NLRP1: variants seen among roughly 807,000 people sequenced by gnomAD.
NLRP1 encodes the protein NLR family pyrin domain containing 1, also known as NACHT, LRR and PYD domains-containing protein 1.
A neutral mutation model predicts 136.7 loss-of-function variants in NLRP1; 94 were observed. That is an observed-to-expected ratio of 0.69 (90% CI 0.58 to 0.82). The LOEUF is 0.82. Among genes scored for constraint, NLRP1 ranks in the 40% least tolerant of loss-of-function variants. The pLI, the probability that NLRP1 is intolerant of heterozygous loss-of-function variation, is 0.00. For synonymous variants in NLRP1, 690 were observed against 725.1 expected, an observed-to-expected ratio of 0.95 and a Z score of 0.78; for missense variants, 1,575 against 1,802.7, an observed-to-expected ratio of 0.87 and a Z score of 2.29.
rs1400595430 is a variant in NLRP1 at position 5,521,797 on chromosome 17, A to T, written c.3521-11T>A. ...TGTCCACATGGCCCCCTGTAAAAGA[A>T]TGGATTGAAGAGGCACAGGTTTATT... On this transcript the variant is annotated splice_polypyrimidine_tract_variant and intron_variant, in intron 12 of 16. Coordinates refer to ENST00000572272, the MANE Select transcript of NLRP1 (RefSeq NM_033004.4). 6.3e-7 allele frequency: 1 copy of T among 1,581,828 alleles called. No homozygotes were observed. Among genetic ancestry groups the T allele is most frequent in the East Asian group, 2.2e-5 (1 of 44,528 alleles).
chr17:5,514,581 T>C lies in NLRP1; in HGVS notation c.*173A>G, dbSNP rs1255837886. 1.7e-5 allele frequency: 25 copies of C among 1,442,500 alleles called. No individual in the cohort carries two copies. Among genetic ancestry groups the C allele is most frequent in the South Asian group, 6.0e-5 (4 of 66,918 alleles). The allele number at this position is 1,442,500 out of a possible 1,614,324, so 89.4% of individuals were successfully genotyped here. A position where few individuals can be genotyped will look rare whatever the true frequency, so the allele number is the denominator to read the frequency against. ...TTAGGCCACCTGGACTGGGGCCCCC[T>C]GTGGCATCCCTGGCATGGACACATA... On this transcript the variant is annotated 3_prime_UTR_variant, in exon 17 of 17. Transcript: ENST00000572272.
At chr17:5,534,943 C>T (rs1346350566) in intron 8 of NLRP1, among the ~76,000 whole-genome samples, 3 of 152,192 alleles carry the variant, frequency 2.0e-5, no homozygotes, top group South Asian at 4.1e-4. Flanking sequence ...CAGATTCAGC[C>T]GGGCGCGGTG....
At chr17:5,513,929 G>A (rs115655035), downstream of NLRP1, among the ~76,000 whole-genome samples, 92 of 152,266 alleles carry the variant, frequency 6.0e-4, no homozygotes, top group African/African-American at 2.0e-3. Flanking sequence ...CGCCATGACA[G>A]TTTACGAACG....
intron 4 of NLRP1, among the ~76,000 whole-genome samples, chr17:5,558,098 C>T (rs536104002): frequency 1.4e-4 from 21 of 152,220 alleles, no homozygotes; most frequent in Non-Finnish European, 2.9e-4. Flanking sequence ...GTGGCAGACA[C>T]GGCAGGGCCC....
At chr17:5,511,674 G>A (rs927504228), downstream of NLRP1, among the ~76,000 whole-genome samples, 42 of 152,182 alleles carry the variant, frequency 2.8e-4, no homozygotes, top group Non-Finnish European at 5.4e-4. Flanking sequence ...CGGGGCATGC[G>A]GGGGTTGCGG....
intron 4 of NLRP1, among the ~76,000 whole-genome samples, chr17:5,553,855 CTT>C (rs71856538): frequency 5.5e-5 from 8 of 144,458 alleles, no homozygotes; most frequent in East Asian, 2.0e-4. Flanking sequence ...AGACATTTGT[CTT>C]TTTTTTTTTT....
chr17:5,573,722 C>T (rs1597480515), intron 3 of NLRP1, among the ~76,000 whole-genome samples: 1 of 152,192 alleles, frequency 6.6e-6, no homozygotes, highest in African/African-American at 2.4e-5. Flanking sequence ...GAGTGGACCT[C>T]CAGCAAACTC....
At chr17:5,542,841 T>C (rs1283728011) in intron 5 of NLRP1, among the ~76,000 whole-genome samples, 2 of 146,722 alleles carry the variant, frequency 1.4e-5, no homozygotes, top group Non-Finnish European at 3.0e-5. Flanking sequence ...CCCTTCCTTC[T>C]TTCTGTGAGA....
At chr17:5,510,483 C>T (rs192696078), downstream of NLRP1, among the ~76,000 whole-genome samples, 59 of 152,160 alleles carry the variant, frequency 3.9e-4, no homozygotes, top group Non-Finnish European at 4.3e-4. Flanking sequence ...CCTCAGCCTC[C>T]CGAGTAGCTG....
chr17:5,530,218 T>C (rs1195896371), intron 12 of NLRP1, among the ~76,000 whole-genome samples: 2 of 152,206 alleles, frequency 1.3e-5, no homozygotes, highest in East Asian at 3.8e-4. Flanking sequence ...GGACCTTGAG[T>C]GATACAGTCT....
Position 5,541,878 on chromosome 17 carries a change from C to G in NLRP1, c.2678G>C (p.Ser893Thr). ...KHLCQRLRQP[S>T]CKLQRLQLVS... Reference sequence around the variant, plus strand: ...TTACTGCAGTCGCTGTAGCTTGCAGCTCGGCTGTCTCAGTCTCTGGCAAAG... The same window carrying G: ...TTACTGCAGTCGCTGTAGCTTGCAGGTCGGCTGTCTCAGTCTCTGGCAAAG... The change falls in exon 6 of 17, where the codon AGC becomes ACC. Residue 893 changes from serine to threonine, a missense_variant. Ser to Thr is a moderately conservative substitution (Grantham distance 58). Transcript: ENST00000572272. The surrounding 1 kb of genome is among the most constrained non-coding windows in gnomAD (Gnocchi z 4.2). 4 of 1,614,050 alleles carry G rather than the reference C, an allele frequency of 2.5e-6. No individual in the cohort carries two copies. Among genetic ancestry groups the G allele is most frequent in the Middle Eastern group, 1.6e-4 (1 of 6,062 alleles).
intron 7 of NLRP1, among the ~76,000 whole-genome samples, chr17:5,538,202 A>G (rs1911346421): frequency 6.6e-6 from 1 of 152,054 alleles, no homozygotes; most frequent in Non-Finnish European, 1.5e-5. Context: ...GTCAAGACAG[A>G]AGCCACTCAT....
Position 5,517,707 on chromosome 17 carries a change from C to T in NLRP1, c.4057+39G>A, listed in dbSNP as rs561199091. On this transcript the variant is annotated intron_variant, in intron 15 of 16. Coordinates refer to ENST00000572272, the MANE Select transcript of NLRP1 (RefSeq NM_033004.4). ...AGCTCCTTCATTGATTTTCTTTCTC[C>T]TCCCACCTCTGAGTTCTCTGGAATT... is the stretch of plus-strand genomic sequence containing the variant. 2.0e-5 allele frequency: 32 copies of T among 1,611,266 alleles called. No individual in the cohort carries two copies. The South Asian group carries it at 3.1e-4, about 16-fold the overall frequency.
At chr17:5,539,979 G>A (rs949988031) in intron 6 of NLRP1, among the ~76,000 whole-genome samples, 1 of 152,174 alleles carries the variant, frequency 6.6e-6, no homozygotes, top group Non-Finnish European at 1.5e-5. Flanking sequence ...GATTACAGGG[G>A]TGAGCCACCG....
downstream of NLRP1, among the ~76,000 whole-genome samples, chr17:5,510,701 C>T (rs541508870): frequency 6.6e-5 from 10 of 151,268 alleles, no homozygotes; most frequent in Non-Finnish European, 1.3e-4. Context: ...TTTTAAGAGA[C>T]GGGGTCTTGC....
chr17:5,521,355 A>G (rs1202372431), intron 13 of NLRP1, among the ~76,000 whole-genome samples, 169 bp downstream of exon 13: 1 of 152,200 alleles, frequency 6.6e-6, no homozygotes, highest in African/African-American at 2.4e-5. Flanking sequence ...GAGAGGCAGG[A>G]GACCAGTCCA....
chr17:5,504,137 T>TAGCAGCAGCAGC lies in NLRP1; in HGVS notation c.4070-2277_4070-2266dup, dbSNP rs146109783. The TAGCAGCAGCAGC allele has an allele frequency of 1.9e-5, 3 of 156,494 alleles. No individual in the cohort carries two copies. Among genetic ancestry groups the TAGCAGCAGCAGC allele is most frequent in the South Asian group, 3.4e-4 (2 of 5,848 alleles). The allele number at this position is 156,494 out of a possible 1,614,324, so 9.7% of individuals were successfully genotyped here. On this transcript the variant is annotated intron_variant, in intron 15 of 15. Transcript: ENST00000262467. The surrounding 1 kb of genome is among the most constrained non-coding windows in gnomAD (Gnocchi z 4.4). ...GGAATCCTAGGACACACATGGATGA[T>TAGCAGCAGCAGC]AGCAGCAGCAGCAGCAGCAGCCAAT... is the stretch of plus-strand genomic sequence containing the variant.
chr17:5,503,942 T>G, intron 15 of NLRP1: 1 of 152,258 alleles, frequency 6.6e-6, no homozygotes, highest in Admixed American at 6.5e-5. Context: ...TAGGGGGATC[T>G]TTTCTCCGGT....
chr17:5,527,620 T>C (rs1041802912), intron 12 of NLRP1, among the ~76,000 whole-genome samples: 1 of 152,118 alleles, frequency 6.6e-6, no homozygotes, highest in Admixed American at 6.6e-5. Flanking sequence ...TCCCGGTTCA[T>C]TATGAAAAAA....
Sources: allele counts gnomAD v4.1 joint callset (sites outside exome capture counted in the v4.1 genomes callset), GRCh38; gene constraint gnomAD v4.1.1; non-coding constraint Gnocchi (gnomAD v3.1); transcripts MANE v1.5; gene names NCBI Gene and HGNC (gene_info 2026-07-23, HGNC 2026-07-21).